Variants in STIM1 observed in about 807,000 individuals in gnomAD.
STIM1 encodes the protein stromal interaction molecule 1.
STIM1 carries 25 observed loss-of-function variants against 74.7 expected under a neutral mutation model. The observed-to-expected ratio is 0.33, with a 90% CI of 0.24 to 0.47. The LOEUF (loss-of-function observed/expected upper bound fraction) is 0.47, where lower values mean the gene tolerates loss of function less well. Among genes scored for constraint, STIM1 ranks in the 20% least tolerant of loss-of-function variants. STIM1 has a pLI of 1.00. For synonymous variants in STIM1, 328 were observed against 348.8 expected (o/e 0.94, Z 0.66); for missense variants, 728 against 920.8 (o/e 0.79, Z 2.71).
chr11:4,042,822 A>G (rs2094158719), intron 3 of STIM1, among the ~76,000 whole-genome samples: 1 of 152,208 alleles, frequency 6.6e-6, no homozygotes, highest in Non-Finnish European at 1.5e-5. Context: ...ATGAAGGTAC[A>G]TATGAAGAAA....
At chr11:4,031,224 T>G (rs1302001597) in intron 3 of STIM1, among the ~76,000 whole-genome samples, 1 of 152,212 alleles carries the variant, frequency 6.6e-6, no homozygotes, top group Admixed American at 6.5e-5. Flanking sequence ...CATGTGTAAA[T>G]AGTTAACTTG....
At chr11:3,929,725 G>T (rs1400807518) in intron 1 of STIM1, among the ~76,000 whole-genome samples, 3 of 152,176 alleles carry the variant, frequency 2.0e-5, no homozygotes, top group Admixed American at 6.5e-5. Context: ...CCTTACCGCT[G>T]ATCGCTTTGC....
chr11:3,922,872 C>T lies in STIM1; in HGVS notation c.140-44680C>T, dbSNP rs542595588. On this transcript the variant is annotated intron_variant, in intron 1 of 12. Transcript: ENST00000526596. ...CAGCACTTTGGGAGGCTGAGGCGGG[C>T]GGATCACCTGAGGTCAGGAGATCGA... Among the ~76,000 whole-genome samples, 177 of 151,624 alleles carry T rather than the reference C, an allele frequency of 1.2e-3. 1 individual carries two copies. Among genetic ancestry groups the T allele is most frequent in the African/African-American group, 4.0e-3 (164 of 41,360 alleles).
intron 2 of STIM1, chr11:3,973,963 T>A (rs1278126205): frequency 1.6e-6 from 1 of 620,334 alleles, no homozygotes; most frequent in Non-Finnish European, 2.9e-6. Flanking sequence ...AGTGGGCATG[T>A]GGTCTTTGAG....
At chr11:3,892,972 G>A in intron 1 of STIM1, 1 of 846,960 alleles carries the variant, frequency 1.2e-6, no homozygotes, top group South Asian at 1.6e-5. Flanking sequence ...GTTTTGCCAT[G>A]TTGCCCAGGC....
intron 2 of STIM1, among the ~76,000 whole-genome samples, chr11:3,976,024 G>C (rs539825505): frequency 3.9e-4 from 60 of 152,314 alleles, no homozygotes; most frequent in Non-Finnish European, 7.8e-4. Flanking sequence ...AGTAGAACCT[G>C]TATATGAATG....
chr11:4,002,080 C>G (rs2093723300), intron 2 of STIM1, among the ~76,000 whole-genome samples: 1 of 139,052 alleles, frequency 7.2e-6, no homozygotes, highest in Admixed American at 7.4e-5. Context: ...CACCCAGATT[C>G]ATAAAGCAAG....
rs769477954 is a variant in STIM1 at position 4,082,234 on chromosome 11, A to G, written c.1020A>G (p.Ser340=). ...AGAAGGAGCTAGAATCTCACAGCTC[A>G]TGGTATGCTCCAGAGGCCCTTCAGA... The part of the protein sequence containing the change: ...KAEKELESHS[S]WYAPEALQKW... The change falls in exon 8 of 13, where the codon TCA becomes TCG. Residue 340 remains serine, a synonymous_variant. Coordinates refer to ENST00000526596, the MANE Select transcript of STIM1 (RefSeq NM_001382567.1). The G allele has an allele frequency of 3.7e-6, 6 of 1,613,410 alleles. No homozygotes were observed. In the South Asian group the frequency reaches 6.6e-5, roughly 18 times the overall value.
chr11:3,919,950 C>G (rs898507850), intron 1 of STIM1, among the ~76,000 whole-genome samples: 1 of 152,008 alleles, frequency 6.6e-6, no homozygotes, highest in Non-Finnish European at 1.5e-5. Flanking sequence ...TGGTGGCATG[C>G]CCCTTTAGCC....
intron 3 of STIM1, among the ~76,000 whole-genome samples, chr11:4,040,757 A>G (rs760419391): frequency 6.6e-6 from 1 of 151,718 alleles, no homozygotes; most frequent in Admixed American, 6.6e-5. Context: ...TTCTCTTACT[A>G]CTCTGCAGCC....
intron 2 of STIM1, among the ~76,000 whole-genome samples, chr11:4,001,176 A>C (rs1370991080): frequency 6.6e-6 from 1 of 152,184 alleles, no homozygotes; most frequent in African/African-American, 2.4e-5. Flanking sequence ...GATATTATCC[A>C]GGAGAACTTC....
At chr11:3,997,615 G>A (rs2093674880) in intron 2 of STIM1, among the ~76,000 whole-genome samples, 1 of 152,194 alleles carries the variant, frequency 6.6e-6, no homozygotes, top group Non-Finnish European at 1.5e-5. Flanking sequence ...GACTAGGAGT[G>A]ATAAGGAGAA....
At chr11:4,088,031 T>G (rs1217918124) in intron 12 of STIM1, among the ~76,000 whole-genome samples, 3 of 152,020 alleles carry the variant, frequency 2.0e-5, no homozygotes, top group Non-Finnish European at 2.9e-5. Context: ...GAGCACAGAT[T>G]AGAACTTGGC....
At chr11:4,001,119 C>A (rs1470267988) in intron 2 of STIM1, among the ~76,000 whole-genome samples, 6 of 152,086 alleles carry the variant, frequency 3.9e-5, no homozygotes, top group African/African-American at 1.4e-4. Flanking sequence ...ATTGGTGTAC[C>A]TGAAAGTGAT....
chr11:4,025,443 C>T (rs544492549), intron 3 of STIM1, among the ~76,000 whole-genome samples: 1 of 152,254 alleles, frequency 6.6e-6, no homozygotes, highest in African/African-American at 2.4e-5. Flanking sequence ...TAATAGCTCT[C>T]GAGCAACTCA....
At chr11:3,881,490 C>T (rs2091498018) in intron 1 of STIM1, among the ~76,000 whole-genome samples, 2 of 150,760 alleles carry the variant, frequency 1.3e-5, no homozygotes, top group South Asian at 4.2e-4. Context: ...CCTGCCTGAG[C>T]CTCCCGATTA....
chr11:3,995,912 G>T (rs1283690707), intron 2 of STIM1, among the ~76,000 whole-genome samples: 1 of 150,868 alleles, frequency 6.6e-6, no homozygotes, highest in Non-Finnish European at 1.5e-5. Flanking sequence ...TCCCTATGTT[G>T]CCCAGGCTGG....
At chr11:4,090,030 T>G (rs1404010888) in intron 12 of STIM1, among the ~76,000 whole-genome samples, 1 of 152,054 alleles carries the variant, frequency 6.6e-6, no homozygotes, top group Non-Finnish European at 1.5e-5. Context: ...CCTTAAAGGG[T>G]CTCAAGTTCC....
At chr11:3,900,469 C>T (rs138352206) in intron 1 of STIM1, among the ~76,000 whole-genome samples, 2,915 of 152,302 alleles carry the variant, frequency 0.019, 80 homozygotes, top group African/African-American at 0.067. Flanking sequence ...CTGGCACTCC[C>T]CAGTGAGATG....
Sources: allele counts gnomAD v4.1 joint callset (sites outside exome capture counted in the v4.1 genomes callset), GRCh38; gene constraint gnomAD v4.1.1; transcripts MANE v1.5; gene names NCBI Gene and HGNC (gene_info 2026-07-23, HGNC 2026-07-21).